The following FCRL3 variants were observed in gnomAD, a reference collection of about 807,000 sequenced individuals.
The protein encoded by FCRL3 is Fc receptor like 3, also known as Fc receptor-like protein 3.
In FCRL3, 89 loss-of-function variants were observed where a neutral mutation model predicts 75.0. The observed-to-expected ratio is 1.19, with a 90% CI of 1.00 to 1.42. FCRL3 has a LOEUF of 1.42. Among genes scored for constraint, FCRL3 ranks in the 40% most tolerant of loss-of-function variants. The pLI is 0.00. For synonymous variants in FCRL3, 376 were observed against 348.5 expected, an observed-to-expected ratio of 1.08 and a Z score of -0.88; for missense variants, 946 against 880.0, an observed-to-expected ratio of 1.07 and a Z score of -0.95.
intron 8 of FCRL3, among the ~76,000 whole-genome samples, chr1:157,693,688 C>T (rs976538781): frequency 6.7e-6 from 1 of 150,016 alleles, no homozygotes; most frequent in African/African-American, 2.5e-5. Flanking sequence ...TCTTTCTCTC[C>T]TTCCTTCCTT....
chr1:157,676,917 C>A lies in FCRL3; in HGVS notation c.*1793G>T, dbSNP rs1237835560. 3 of 1,430,440 alleles carry A rather than the reference C, an allele frequency of 2.1e-6. No homozygotes were observed. The highest frequency in any genetic ancestry group is 2.5e-5 in the East Asian group (1 of 39,488). 88.6% of individuals were successfully genotyped at this position (1,430,440 alleles called of 1,614,324 possible). ...CCATATACAGCCTGGTGGTTGGTAC[C>A]CAAAACCGGTTTACATATTTTCACC... On this transcript the variant is annotated 3_prime_UTR_variant, in exon 15 of 15. Coordinates refer to ENST00000368184, the MANE Select transcript of FCRL3 (RefSeq NM_052939.4).
rs1436480465 is a variant in FCRL3 at position 157,697,936 on chromosome 1, A to C, written c.299-17T>G. The stretch of plus-strand genomic sequence containing the variant: ...TCAGCCAGTCTGCAAAGAGCACAGG[A>C]GCACACTCAGGTTATCCCCTGCTGT... On this transcript the variant is annotated splice_polypyrimidine_tract_variant and intron_variant, in intron 4 of 14. Transcript: ENST00000368184. 3.1e-6 allele frequency: 5 copies of C among 1,611,408 alleles called. No individual in the cohort carries two copies. In the South Asian group the frequency reaches 5.5e-5, roughly 18 times the overall value.
intron 6 of FCRL3, 23 bp from the exon 7 acceptor site, chr1:157,696,350 G>A: frequency 6.2e-7 from 1 of 1,611,432 alleles, no homozygotes; most frequent in South Asian, 1.1e-5. Context: ...AAGATGGCAT[G>A]TGAAGGTCCT....
In FCRL3 at chr1:157,697,160, C is replaced by A; in HGVS notation, c.824G>T (p.Arg275Ile). The A allele has an allele frequency of 6.6e-7, 1 of 1,510,218 alleles. No homozygotes were observed. Among genetic ancestry groups the A allele is most frequent in the South Asian group, 1.4e-5 (1 of 72,692 alleles). The allele number at this position is 1,510,218 out of a possible 1,614,324, so 93.6% of individuals were successfully genotyped here. A position where few individuals can be genotyped will look rare whatever the true frequency, so the allele number is the denominator to read the frequency against. ...CTCACTCTGTACACGTATCTGAGAT[C>A]TCAGGCTCCTTTTTTTGATGCTGTG... ...VTHSIKKRSL[R>I]SQIRVQRVPV... is the part of the protein sequence containing the mutation. Residue 275 changes from arginine (R) to isoleucine (I), a missense_variant, in exon 6 of 15, where the codon AGA becomes ATA. Physicochemically the swap from Arg to Ile is moderately conservative, Grantham distance 97. Coordinates refer to ENST00000368184, the MANE Select transcript of FCRL3 (RefSeq NM_052939.4).
At position 157,679,830 on chromosome 1, in the gene FCRL3, CAAAAAAAAAA is replaced by C. The variant is rs1166825112; in HGVS notation, c.2026+862_2027-858del. Among the ~76,000 whole-genome samples the C allele has an allele frequency of 6.6e-4, 33 of 49,920 alleles. 1 individual carries two copies. In the Admixed American group the frequency reaches 7.6e-3, roughly 11 times the overall value. 32.7% of individuals were successfully genotyped at this position (49,920 alleles called of 152,430 possible). On this transcript the variant is annotated intron_variant, in intron 13 of 14. Transcript: ENST00000368184. ...GGCGACAGAACGAGACCCCATCTCA[CAAAAAAAAAA>C]AAAAAAAAAAAAAAAAAAAATGACA...
chr1:157,698,721 CTGGACTAATTTCCAGTCAGGACCAGGG>C, intron 3 of FCRL3, 92 bp from the exon 4 acceptor site: 1 of 1,362,774 alleles, frequency 7.3e-7, no homozygotes, highest in Non-Finnish European at 1.0e-6. Context: ...AGGAGTTTTC[CTGGACTAATTTCCAGTCAGGACCAGGG>C]TGGAAAATTG....
intron 10 of FCRL3, among the ~76,000 whole-genome samples, chr1:157,685,039 A>G (rs1655087833): frequency 6.6e-6 from 1 of 151,936 alleles, no homozygotes; most frequent in Admixed American, 6.6e-5. Flanking sequence ...ATTTAAAATA[A>G]CACTTCCCCT....
intron 8 of FCRL3, among the ~76,000 whole-genome samples, chr1:157,690,777 A>G (rs1655478003): frequency 6.6e-6 from 1 of 152,170 alleles, no homozygotes; most frequent in South Asian, 2.1e-4. Flanking sequence ...TTATATCTCA[A>G]GCTATTGTAA....
rs768328117 is a variant in FCRL3, at chr1:157,697,335, G to A, written c.649C>T (p.Pro217Ser). 4 of 1,611,802 alleles carry A rather than the reference G, an allele frequency of 2.5e-6. No homozygotes were observed. The East Asian group carries it at 8.9e-5, about 36-fold the overall frequency. The change falls in exon 6 of 15, where the codon CCA becomes TCA. Residue 217 changes from proline to serine, a missense_variant. By Grantham distance (74) the Pro-to-Ser change is moderately conservative. Coordinates refer to ENST00000368184, the MANE Select transcript of FCRL3 (RefSeq NM_052939.4). ...MTLTCETQLS[P>S]QRPDVQLQFS... ...TGCAGCTGGACATCTGGCCTCTGTG[G>A]AGAGAGCTGGGTCTCACAGGTCAGG... is the stretch of plus-strand genomic sequence containing the variant.
chr1:157,678,497 A>T lies in FCRL3; in HGVS notation c.*213T>A, dbSNP rs1018639249. On this transcript the variant is annotated 3_prime_UTR_variant, in exon 15 of 15. Coordinates refer to ENST00000368184, the MANE Select transcript of FCRL3 (RefSeq NM_052939.4). ...TGCCACGTGTCTCCACTGTGAAAAT[A>T]ACACAGTGCTTGCTCAGAGGCTGCC... is the stretch of plus-strand genomic sequence containing the variant. The T allele has an allele frequency of 3.4e-5, 48 of 1,404,680 alleles. No individual in the cohort carries two copies. Among genetic ancestry groups the T allele is most frequent in the Non-Finnish European group, 4.3e-5 (46 of 1,081,686 alleles). The allele number at this position is 1,404,680 out of a possible 1,614,324, so 87.0% of individuals were successfully genotyped here. A position where few individuals can be genotyped will look rare whatever the true frequency, so the allele number is the denominator to read the frequency against.
intron 13 of FCRL3, among the ~76,000 whole-genome samples, chr1:157,679,702 G>A (rs575213781): frequency 1.3e-5 from 2 of 151,760 alleles, no homozygotes; most frequent in African/African-American, 4.8e-5. Flanking sequence ...GGTGATGCAT[G>A]CCTGTAATCC....
At chr1:157,689,988 G>A (rs1655413690) in intron 9 of FCRL3, 71 bp from the exon 10 acceptor site, 12 of 1,594,050 alleles carry the variant, frequency 7.5e-6, no homozygotes, top group Middle Eastern at 1.7e-4. Flanking sequence ...ATGCAAGTAG[G>A]GTGAGTGTGT....
chr1:157,680,632 A>G, intron 13 of FCRL3, 70 bp downstream of exon 13: 1 of 1,337,040 alleles, frequency 7.5e-7, no homozygotes, highest in Non-Finnish European at 1.1e-6. Context: ...AATAACTCTG[A>G]TCAAAGACCC....
rs1654535865 is a variant in FCRL3 at position 157,677,534 on chromosome 1, G to T, written c.*1176C>A. ...AATGGAGGTGAAGTCACTGAAAATT[G>T]TTGGTACATTTTCATTTTTGTCATA... On this transcript the variant is annotated 3_prime_UTR_variant, in exon 15 of 15. Coordinates refer to ENST00000368184, the MANE Select transcript of FCRL3 (RefSeq NM_052939.4). 1.0e-6 allele frequency: 1 copy of T among 985,056 alleles called. No homozygotes were observed. The highest frequency in any genetic ancestry group is 1.2e-6 in the Non-Finnish European group (1 of 829,712). 61.0% of individuals were successfully genotyped at this position (985,056 alleles called of 1,614,324 possible).
chr1:157,677,132 G>A lies in FCRL3; in HGVS notation c.*1578C>T. On this transcript the variant is annotated 3_prime_UTR_variant, in exon 15 of 15. Transcript: ENST00000368184. Reference sequence around the variant, plus strand: ...AGGGTAACAGAGGCCAGTGGGAGCAGTGTGGATTGATCATCACATTTTTTG... The same window carrying A: ...AGGGTAACAGAGGCCAGTGGGAGCAATGTGGATTGATCATCACATTTTTTG... 9.7e-7 allele frequency: 1 copy of A among 1,032,960 alleles called. No individual in the cohort carries two copies. The highest frequency in any genetic ancestry group is 1.2e-6 in the Non-Finnish European group (1 of 856,828). The allele number at this position is 1,032,960 out of a possible 1,614,324, so 64.0% of individuals were successfully genotyped here.
chr1:157,689,686 G>C, intron 10 of FCRL3, 112 bp downstream of exon 10: 1 of 1,399,920 alleles, frequency 7.1e-7, no homozygotes, highest in Non-Finnish European at 9.7e-7. Flanking sequence ...TAGTGGAACT[G>C]AGGGCCTAGT....
intron 10 of FCRL3, among the ~76,000 whole-genome samples, chr1:157,686,237 G>A (rs1655169237): frequency 6.7e-6 from 1 of 148,984 alleles, no homozygotes; most frequent in African/African-American, 2.5e-5. Flanking sequence ...AGCTAACAAA[G>A]GAGGTGAAAG....
Position 157,678,971 on chromosome 1 carries a change from T to A in FCRL3, c.2029A>T (p.Asn677Tyr), listed in dbSNP as rs745574624. Residue 677 changes from asparagine (N) to tyrosine (Y), a missense_variant and splice_region_variant, in exon 14 of 15, where the codon AAT (asparagine) becomes TAT (tyrosine). Physicochemically the swap from Asn to Tyr is moderately radical, Grantham distance 143. Transcript: ENST00000368184. ...TGCTCTTGATGCATCATTGGACAATTAGCTGTTGGGTAGGAGTAGCAAAGA... is the reference window on the plus strand; with the variant it reads ...TGCTCTTGATGCATCATTGGACAATAAGCTGTTGGGTAGGAGTAGCAAAGA... ...SIQHTKENSANCPMMHQEHEE... is the reference protein window; with the variant it reads ...SIQHTKENSAYCPMMHQEHEE... 36 of 1,613,990 alleles carry A rather than the reference T, an allele frequency of 2.2e-5. No individual in the cohort carries two copies. The highest frequency in any genetic ancestry group is 2.8e-5 in the Non-Finnish European group (33 of 1,179,984).
Position 157,689,879 on chromosome 1 carries a change from T to C in FCRL3, c.1729A>G (p.Ile577Val). The C allele has an allele frequency of 6.2e-7, 1 of 1,614,182 alleles. No individual in the cohort carries two copies. The highest frequency in any genetic ancestry group is 8.5e-7 in the Non-Finnish European group (1 of 1,180,026). The change falls in exon 10 of 15, where the codon ATC becomes GTC. Residue 577 changes from isoleucine (I) to valine (V), a missense_variant. Coordinates refer to ENST00000368184, the MANE Select transcript of FCRL3 (RefSeq NM_052939.4). ...AGGATGCTGAGCACCAGCCCCGTGA[T>C]TCCCGCAGCGGTAAGGCCTGTTCTG... ...RNRTGLTAAG[I>V]TGLVLSILVL...
Sources: allele counts gnomAD v4.1 joint callset (sites outside exome capture counted in the v4.1 genomes callset), GRCh38; gene constraint gnomAD v4.1.1; transcripts MANE v1.5; gene names NCBI Gene and HGNC (gene_info 2026-07-23, HGNC 2026-07-21).